The following MYCBP2 variants were observed in gnomAD, a reference collection of about 807,000 sequenced individuals.
The protein encoded by MYCBP2 is E3 ubiquitin-protein ligase MYCBP2.
In MYCBP2, 120 loss-of-function variants were observed where a neutral mutation model predicts 525.3. The ratio of observed to expected loss-of-function variants is 0.23; its 90% CI spans 0.20 to 0.27. The LOEUF (loss-of-function observed/expected upper bound fraction) is 0.27, where lower values mean the gene tolerates loss of function less well. MYCBP2 is among the 10% of genes least tolerant of loss of function. The probability of loss-of-function intolerance (pLI) is 1.00; values close to 1 mark genes in which losing one functional copy is unlikely to be tolerated. For missense variants in MYCBP2, 4,149 were observed against 5,657.1 expected (o/e 0.73, Z 8.55); for synonymous variants, 1,894 against 1,955.8 (o/e 0.97, Z 0.83).
intron 49 of MYCBP2, among the ~76,000 whole-genome samples, chr13:77,143,720 G>T (rs562922749): frequency 1.3e-5 from 2 of 152,302 alleles, no homozygotes; most frequent in East Asian, 3.9e-4. Context: ...TCATCATTGT[G>T]CAAACATCAG....
intron 78 of MYCBP2, 116 bp from the exon 79 acceptor site, chr13:77,057,209 A>G (rs2154066491): frequency 1.5e-6 from 1 of 656,806 alleles, no homozygotes; most frequent in East Asian, 2.7e-5. Flanking sequence ...AAAATCAAGA[A>G]ATTTACTATA....
chr13:77,154,038 T>C (rs2056896079), intron 46 of MYCBP2, among the ~76,000 whole-genome samples: 1 of 152,244 alleles, frequency 6.6e-6, no homozygotes, highest in South Asian at 2.1e-4. Context: ...TCAACTTTTA[T>C]GCTTCAAATA....
At chr13:77,181,404 T>C (rs2060207610) in intron 33 of MYCBP2, among the ~76,000 whole-genome samples, 1 of 152,136 alleles carries the variant, frequency 6.6e-6, no homozygotes, top group Non-Finnish European at 1.5e-5. Flanking sequence ...TTCAAATGGT[T>C]CAGGAAAAAC....
In MYCBP2 at chr13:77,326,281, ACAC is replaced by A. The variant is rs925006576; in HGVS notation, c.302+190_302+192del. On this transcript the variant is annotated intron_variant, in intron 1 of 82. Transcript: ENST00000544440. The surrounding 1 kb of genome is among the most constrained non-coding windows in gnomAD (Gnocchi z 4.2). ...CACACACACACACACACACACACACACACGAGAAACTGCAGCCACCGCACCCTC... is the reference window on the plus strand; with the variant it reads ...CACACACACACACACACACACACACAGAGAAACTGCAGCCACCGCACCCTC... Among the ~76,000 whole-genome samples, 5 of 146,138 alleles carry A rather than the reference ACAC, an allele frequency of 3.4e-5. No homozygotes were observed. The highest frequency in any genetic ancestry group is 1.5e-5 in the Non-Finnish European group (1 of 66,428).
At chr13:77,205,220 C>G (rs1204683428) in intron 26 of MYCBP2, 36 bp downstream of exon 26, 10 of 1,478,816 alleles carry the variant, frequency 6.8e-6, no homozygotes, top group Admixed American at 6.3e-5. Flanking sequence ...TCAGTATGTT[C>G]AAACAAAAAA....
In MYCBP2 at chr13:77,288,090, C is replaced by T. The variant is rs544768409; in HGVS notation, c.594+71G>A. The T allele has an allele frequency of 7.3e-5, 103 of 1,414,968 alleles. No individual in the cohort carries two copies. The South Asian group carries it at 7.8e-4, about 11-fold the overall frequency. 87.7% of individuals were successfully genotyped at this position (1,414,968 alleles called of 1,614,324 possible). A position where few individuals can be genotyped will look rare whatever the true frequency, so the allele number is the denominator to read the frequency against. ...CATAAAGCAAAGTATTTTAGCAATG[C>T]GTATATATGCATTATAGCCAGAACA... On this transcript the variant is annotated intron_variant, in intron 3 of 82. Transcript: ENST00000544440.
At position 77,261,380 on chromosome 13, in the gene MYCBP2, T is replaced by G; in HGVS notation, c.1648-5A>C. 1.3e-6 allele frequency: 2 copies of G among 1,510,946 alleles called. No homozygotes were observed. 93.6% of individuals were successfully genotyped at this position (1,510,946 alleles called of 1,614,324 possible). ...GTATTTGCCAGTGTAATATATCTTA[T>G]GTATTAAAAAAAAAAAGGAATTATG... On this transcript the variant is annotated splice_polypyrimidine_tract_variant and splice_region_variant and intron_variant, in intron 11 of 82. Transcript: ENST00000544440.
chr13:77,156,855 A>G (rs1334992016), intron 45 of MYCBP2, among the ~76,000 whole-genome samples: 1 of 152,210 alleles, frequency 6.6e-6, no homozygotes, highest in Non-Finnish European at 1.5e-5. Flanking sequence ...ACGTCTGCAT[A>G]GTATAGTAGT....
At chr13:77,270,793 A>G (rs1186387859) in intron 5 of MYCBP2, among the ~76,000 whole-genome samples, 1 of 152,104 alleles carries the variant, frequency 6.6e-6, no homozygotes, top group South Asian at 2.1e-4. Flanking sequence ...CAAGTACTCT[A>G]TCTCCACAAA....
chr13:77,296,454 G>A (rs900512097), intron 2 of MYCBP2, 145 bp downstream of exon 2: 1 of 831,638 alleles, frequency 1.2e-6, no homozygotes, highest in Non-Finnish European at 1.7e-6. Context: ...GAAACTAAAA[G>A]AGGAACCAAA....
At chr13:77,076,605 T>C (rs1034231764) in intron 68 of MYCBP2, 146 bp downstream of exon 68, 7 of 551,898 alleles carry the variant, frequency 1.3e-5, no homozygotes, top group African/African-American at 7.7e-5. Context: ...TTCTTTTAGA[T>C]AGTTCCTTCA....
intron 23 of MYCBP2, among the ~76,000 whole-genome samples, chr13:77,209,879 A>G (rs1354899688): frequency 6.6e-6 from 1 of 152,224 alleles, no homozygotes; most frequent in Non-Finnish European, 1.5e-5. Context: ...ATTACCAAGG[A>G]GTTGGCAAGA....
intron 21 of MYCBP2, among the ~76,000 whole-genome samples, chr13:77,215,814 T>G (rs2064738772): frequency 6.6e-6 from 1 of 152,166 alleles, no homozygotes; most frequent in South Asian, 2.1e-4. Context: ...CTCCTGGGCT[T>G]GAGTGATCCT....
rs2057414819 is a variant in MYCBP2 at position 77,157,946 on chromosome 13, C to T, written c.6761G>A (p.Arg2254Lys). The T allele has an allele frequency of 6.2e-7, 1 of 1,610,882 alleles. No homozygotes were observed. Among genetic ancestry groups the T allele is most frequent in the Admixed American group, 1.7e-5 (1 of 59,310 alleles). The change falls in exon 45 of 83, where the codon AGG becomes AAG. Residue 2254 changes from arginine (R) to lysine (K), a missense_variant. By Grantham distance (26) the Arg-to-Lys change is conservative. This residue lies in a region of MYCBP2 where 692 missense variants were observed against 852.7 expected (regional missense o/e 0.81). Transcript: ENST00000544440. ...IACVPGSSGG[R>K]LARWLQPDSY... Reference sequence around the variant, plus strand: ...CTTAAAGTACATTTACCTTGCAAGCCTTCCACCACTTGATCCTGGGACACA... The same window carrying T: ...CTTAAAGTACATTTACCTTGCAAGCTTTCCACCACTTGATCCTGGGACACA...
intron 1 of MYCBP2, among the ~76,000 whole-genome samples, chr13:77,307,646 A>C (rs1349728192): frequency 6.8e-6 from 1 of 147,982 alleles, no homozygotes; most frequent in African/African-American, 2.5e-5. Flanking sequence ...AAAAAAAAAA[A>C]AAAAAAAACT....
chr13:77,231,670 T>C (rs1219872877), intron 18 of MYCBP2, among the ~76,000 whole-genome samples: 2 of 152,196 alleles, frequency 1.3e-5, no homozygotes, highest in Admixed American at 6.5e-5. Context: ...TACTTGTCCA[T>C]GAGATACTAA....
Position 77,308,559 on chromosome 13 carries a change from G to A in MYCBP2, c.303-11885C>T, listed in dbSNP as rs1309934732. On this transcript the variant is annotated intron_variant, in intron 1 of 82. Coordinates refer to ENST00000544440, the MANE Select transcript of MYCBP2 (RefSeq NM_015057.5). ...TGATGTCACACTTAGAATTATGCCT[G>A]GTATTTAGTAAGTGCTAAACACATT... is the stretch of plus-strand genomic sequence containing the variant. Among the ~76,000 whole-genome samples, 4 of 152,142 alleles carry A rather than the reference G, an allele frequency of 2.6e-5. No homozygotes were observed. In the East Asian group the frequency reaches 5.8e-4, roughly 22 times the overall value.
intron 80 of MYCBP2, among the ~76,000 whole-genome samples, chr13:77,054,380 T>A (rs539729362): frequency 1.3e-5 from 2 of 151,958 alleles, no homozygotes; most frequent in African/African-American, 2.4e-5. Flanking sequence ...AGAAGAGTGA[T>A]CCAGTTAGAT....
chr13:77,286,354 GA>G (rs1210835192), intron 3 of MYCBP2, among the ~76,000 whole-genome samples: 3 of 151,888 alleles, frequency 2.0e-5, no homozygotes, highest in Non-Finnish European at 4.4e-5. Context: ...GCTCTGTTTA[GA>G]AAAAAGCAAT....
Sources: allele counts gnomAD v4.1 joint callset (sites outside exome capture counted in the v4.1 genomes callset), GRCh38; gene constraint gnomAD v4.1.1; regional missense constraint gnomAD v4.1.1; non-coding constraint Gnocchi (gnomAD v3.1); transcripts MANE v1.5; gene names NCBI Gene and HGNC (gene_info 2026-07-23, HGNC 2026-07-21).